HDAC9: variants seen among roughly 807,000 people sequenced by gnomAD.
HDAC9 encodes the protein MEF-2 interacting transcription repressor (MITR) protein.
A neutral mutation model predicts 139.4 loss-of-function variants in HDAC9; 41 were observed. The observed-to-expected ratio is 0.29, with a 90% CI of 0.23 to 0.38. The LOEUF (loss-of-function observed/expected upper bound fraction) is 0.38. Ranked by LOEUF, HDAC9 falls within the 10% of genes least tolerant of loss-of-function variation. HDAC9 has a pLI of 1.00. For missense variants in HDAC9, 1,147 were observed against 1,297.0 expected (o/e 0.88, Z 1.78); for synonymous variants, 517 against 476.2 (o/e 1.09, Z -1.12).
Position 18,874,507 on chromosome 7 carries a change from T to G in HDAC9, c.2714T>G (p.Phe905Cys). Residue 905 changes from phenylalanine to cysteine, a missense_variant, in exon 22 of 26, where the codon TTT becomes TGT. Around this residue, in one of 7 missense-constraint regions of HDAC9, gnomAD observed 407 missense variants for 521.5 expected, o/e 0.78. Coordinates refer to ENST00000686413, the MANE Select transcript of HDAC9 (RefSeq NM_178425.4). ...RTIVKPVAKE[F>C]DPDMVLVSAG... ...ATCGTGAAGCCTGTGGCCAAAGAGTTTGATCCAGACATGGTCTTAGTATCT... is the reference window on the plus strand; with the variant it reads ...ATCGTGAAGCCTGTGGCCAAAGAGTGTGATCCAGACATGGTCTTAGTATCT... 1 of 1,591,794 alleles carries G rather than the reference T, an allele frequency of 6.3e-7. No individual in the cohort carries two copies. The highest frequency in any genetic ancestry group is 8.6e-7 in the Non-Finnish European group (1 of 1,168,014).
Position 18,938,230 on chromosome 7 carries a change from C to CAAAA in HDAC9, c.2937+2309_2937+2312dup, listed in dbSNP as rs71553939. On this transcript the variant is annotated intron_variant, in intron 23 of 25. Coordinates refer to ENST00000686413, the MANE Select transcript of HDAC9 (RefSeq NM_178425.4). ...TGGGCGACAGAGCGAGACTCCGTCTCAAAAAAAAAAAAAAAAAAAAAAAAT... is the reference window on the plus strand; with the variant it reads ...TGGGCGACAGAGCGAGACTCCGTCTCAAAAAAAAAAAAAAAAAAAAAAAAAAAAT... Among the ~76,000 whole-genome samples the CAAAA allele has an allele frequency of 6.3e-3, 471 of 75,282 alleles. 18 individuals are homozygous for CAAAA. The highest frequency in any genetic ancestry group is 0.021 in the African/African-American group (416 of 19,380). The allele number at this position is 75,282 out of a possible 152,430, so 49.4% of individuals were successfully genotyped here. A position where few individuals can be genotyped will look rare whatever the true frequency, so the allele number is the denominator to read the frequency against.
At chr7:18,989,477 G>A (rs1444169219) in intron 25 of HDAC9, among the ~76,000 whole-genome samples, 1 of 150,782 alleles carries the variant, frequency 6.6e-6, no homozygotes, top group African/African-American at 2.4e-5. Context: ...CTCTCTGGCT[G>A]CCCTTAACAT....
At chr7:18,254,279 G>C (rs6949834) in intron 2 of HDAC9, among the ~76,000 whole-genome samples, 44,258 of 152,048 alleles carry the variant, frequency 0.29, 7,004 homozygotes, top group South Asian at 0.4. Flanking sequence ...ATAGTGTAAA[G>C]AGTTACCTAT....
At chr7:18,664,267 C>T (rs1794132567) in intron 11 of HDAC9, among the ~76,000 whole-genome samples, 1 of 152,082 alleles carries the variant, frequency 6.6e-6, no homozygotes, top group Non-Finnish European at 1.5e-5. Flanking sequence ...CTCCCGACTG[C>T]CCAGTAACAA....
rs140670612 is a variant in HDAC9, at chr7:18,249,827, C to G, written c.25+87478C>G. Among the ~76,000 whole-genome samples, 836 of 152,222 alleles carry G rather than the reference C, an allele frequency of 5.5e-3. 8 individuals are homozygous for G. Among genetic ancestry groups the G allele is most frequent in the African/African-American group, 0.019 (791 of 41,530 alleles). ...CTTTTAATGAATAGGTTATACTCCC[C>G]TGCAGGTGGAACACTTAGATGAGAA... On this transcript the variant is annotated intron_variant, in intron 2 of 12. Transcript: ENST00000417496.
intron 16 of HDAC9, among the ~76,000 whole-genome samples, chr7:18,780,644 C>A (rs572431216): frequency 6.6e-6 from 1 of 152,144 alleles, no homozygotes; most frequent in African/African-American, 2.4e-5. Context: ...GGATGTATTG[C>A]AGGGCCCAAA....
At chr7:18,590,201 T>C (rs1165621244) in intron 3 of HDAC9, 135 bp from the exon 4 acceptor site, 2 of 925,466 alleles carry the variant, frequency 2.2e-6, no homozygotes, top group African/African-American at 3.4e-5. Context: ...ATTTCAATGA[T>C]TTACAGAAAA....
chr7:18,948,672 A>G (rs1273317679), intron 23 of HDAC9, among the ~76,000 whole-genome samples: 1 of 152,114 alleles, frequency 6.6e-6, no homozygotes, highest in Non-Finnish European at 1.5e-5. Flanking sequence ...ACTATATCCT[A>G]TCATAACATT....
intron 1 of HDAC9, among the ~76,000 whole-genome samples, chr7:18,098,394 A>T (rs1317671401): frequency 6.6e-6 from 1 of 152,242 alleles, no homozygotes; most frequent in Non-Finnish European, 1.5e-5. Flanking sequence ...AGTTGAAATC[A>T]GCTCTGCTGA....
intron 11 of HDAC9, among the ~76,000 whole-genome samples, chr7:18,662,022 A>G (rs1793336833): frequency 1.3e-5 from 2 of 152,136 alleles, no homozygotes. Context: ...AAATGTACAT[A>G]TAATACGTTC....
chr7:18,418,926 A>C (rs917269311), intron 1 of HDAC9, among the ~76,000 whole-genome samples: 1 of 152,174 alleles, frequency 6.6e-6, no homozygotes, highest in African/African-American at 2.4e-5. Context: ...TGATTACCTA[A>C]GACTATTCAG....
intron 1 of HDAC9, among the ~76,000 whole-genome samples, chr7:18,462,002 A>G (rs1428309140): frequency 1.3e-5 from 2 of 152,092 alleles, no homozygotes; most frequent in African/African-American, 4.8e-5. Flanking sequence ...CGTGATCACT[A>G]AATTAGTAAA....
At chr7:18,977,757 G>T (rs1251924319) in intron 25 of HDAC9, among the ~76,000 whole-genome samples, 1 of 152,102 alleles carries the variant, frequency 6.6e-6, no homozygotes, top group Non-Finnish European at 1.5e-5. Flanking sequence ...TATCTATTGT[G>T]ATTGATTTTT....
In HDAC9 at chr7:18,917,837, C is replaced by T. The variant is rs543305825; in HGVS notation, c.2804-17972C>T. On this transcript the variant is annotated intron_variant, in intron 22 of 25. Coordinates refer to ENST00000686413, the MANE Select transcript of HDAC9 (RefSeq NM_178425.4). ...AAATTCAGGCCCCCAAATCTATGCT[C>T]TTATCTAATACATGCAATGGAAAGC... Among the ~76,000 whole-genome samples, 55 of 152,060 alleles carry T rather than the reference C, an allele frequency of 3.6e-4. 1 individual carries two copies. The highest frequency in any genetic ancestry group is 1.3e-3 in the African/African-American group (54 of 41,514).
intron 2 of HDAC9, among the ~76,000 whole-genome samples, chr7:18,247,191 A>C (rs981836077): frequency 3.9e-5 from 6 of 151,950 alleles, no homozygotes; most frequent in Admixed American, 1.3e-4. Flanking sequence ...TGTTGTGGAG[A>C]AAAAACAACT....
chr7:18,719,399 G>A (rs1784968586), intron 12 of HDAC9, among the ~76,000 whole-genome samples: 1 of 135,658 alleles, frequency 7.4e-6, no homozygotes. Context: ...GAGTGCAATG[G>A]CACGATCTCG....
chr7:18,183,626 T>C (rs1370571096), intron 2 of HDAC9, among the ~76,000 whole-genome samples: 1 of 152,190 alleles, frequency 6.6e-6, no homozygotes, highest in Non-Finnish European at 1.5e-5. Flanking sequence ...ACTTTTGTCA[T>C]TTTAAACAGT....
At chr7:18,478,823 GTC>G (rs1795327553) in intron 1 of HDAC9, among the ~76,000 whole-genome samples, 1 of 152,060 alleles carries the variant, frequency 6.6e-6, no homozygotes, top group South Asian at 2.1e-4. Flanking sequence ...ATTTTTGTCT[GTC>G]TGCTGGGTTT....
chr7:18,439,991 TA>T (rs1293110182), intron 1 of HDAC9, among the ~76,000 whole-genome samples: 1 of 152,208 alleles, frequency 6.6e-6, no homozygotes, highest in Non-Finnish European at 1.5e-5. Flanking sequence ...TGATGCTTGA[TA>T]AAATATTTTA....
Sources: allele counts gnomAD v4.1 joint callset (sites outside exome capture counted in the v4.1 genomes callset), GRCh38; gene constraint gnomAD v4.1.1; regional missense constraint gnomAD v4.1.1; transcripts MANE v1.5; gene names NCBI Gene and HGNC (gene_info 2026-07-23, HGNC 2026-07-21).